GIPR: variants seen among roughly 807,000 people sequenced by gnomAD.
The protein encoded by GIPR is GIP-R.
In GIPR, 74 loss-of-function variants were observed where a neutral mutation model predicts 62.2. The observed-to-expected ratio is 1.19, with a 90% CI of 0.99 to 1.44. The LOEUF is 1.44. Among genes scored for constraint, GIPR ranks in the 40% most tolerant of loss-of-function variants. The probability of loss-of-function intolerance (pLI) is 0.00; values close to 1 mark genes in which losing one functional copy is unlikely to be tolerated. For missense variants in GIPR, 664 were observed against 611.8 expected (o/e 1.09, Z -0.90); for synonymous variants, 256 against 262.2 (o/e 0.98, Z 0.23).
intron 3 of GIPR, 138 bp downstream of exon 3, chr19:45,670,872 T>C (rs756416364): frequency 5.5e-5 from 34 of 616,022 alleles, no homozygotes; most frequent in Non-Finnish European, 9.2e-5. Flanking sequence ...GACCTGAGCA[T>C]GGTGGGAACT....
chr19:45,679,270 A>C (rs967547481), intron 12 of GIPR, among the ~76,000 whole-genome samples: 2 of 152,244 alleles, frequency 1.3e-5, no homozygotes, highest in East Asian at 1.9e-4. Context: ...ACCTGAGGTC[A>C]AGAGTTCAAG....
At chr19:45,669,366 G>A in intron 1 of GIPR, 111 bp from the exon 2 acceptor site, 1 of 1,064,356 alleles carries the variant, frequency 9.4e-7, no homozygotes, top group Non-Finnish European at 1.4e-6. Flanking sequence ...GGAGTCCCGC[G>A]TGTATACGGC....
rs955920381 is a variant in GIPR at position 45,682,298 on chromosome 19, G to A, written c.*363G>A. On this transcript the variant is annotated 3_prime_UTR_variant, in exon 14 of 14. Transcript: ENST00000590918. ...ATAGGCAAAGGCCCTTGGGCAGGAA[G>A]GCGCTCAGCCTTGGCTGGAGTAGAA... 1.9e-5 allele frequency: 5 copies of A among 260,338 alleles called. No individual in the cohort carries two copies. In the South Asian group the frequency reaches 2.5e-4, roughly 13 times the overall value. 16.1% of individuals were successfully genotyped at this position (260,338 alleles called of 1,614,324 possible). A position where few individuals can be genotyped will look rare whatever the true frequency, so the allele number is the denominator to read the frequency against.
chr19:45,676,033 G>A (rs912840318), intron 7 of GIPR, among the ~76,000 whole-genome samples: 2 of 151,846 alleles, frequency 1.3e-5, no homozygotes, highest in African/African-American at 4.8e-5. Flanking sequence ...GTGAAACCCC[G>A]TCTCTACTAA....
At chr19:45,671,077 G>T (rs1600287151) in intron 3 of GIPR, among the ~76,000 whole-genome samples, 1 of 152,100 alleles carries the variant, frequency 6.6e-6, no homozygotes, top group East Asian at 1.9e-4. Flanking sequence ...GCCGGGAGGA[G>T]GGGCGGAGCT....
intron 12 of GIPR, among the ~76,000 whole-genome samples, chr19:45,679,810 C>A (rs1322977502): frequency 6.6e-6 from 1 of 151,798 alleles, no homozygotes; most frequent in East Asian, 1.9e-4. Context: ...ACTCTTGTTG[C>A]CCAGGCTGCA....
intron 12 of GIPR, among the ~76,000 whole-genome samples, chr19:45,679,512 A>G (rs1376335939): frequency 6.6e-6 from 1 of 151,394 alleles, no homozygotes; most frequent in African/African-American, 2.4e-5. Flanking sequence ...GAAAGCATAT[A>G]GAATGTCAGA....
intron 7 of GIPR, 169 bp downstream of exon 7, chr19:45,674,995 G>C: frequency 3.2e-6 from 2 of 620,636 alleles, no homozygotes; most frequent in Non-Finnish European, 5.9e-6. Flanking sequence ...TTTGGAGAGG[G>C]AACCTCCCAA....
chr19:45,669,732 G>A lies in GIPR; in HGVS notation c.72+140G>A, dbSNP rs541179897. On this transcript the variant is annotated intron_variant, in intron 2 of 13. Coordinates refer to ENST00000590918, the MANE Select transcript of GIPR (RefSeq NM_000164.4). ...AGGCCGAAGCGGGTGGATCACTTGAGGCCAGGAGTTCGAGACCAGCCTGGC... is the reference window on the plus strand; with the variant it reads ...AGGCCGAAGCGGGTGGATCACTTGAAGCCAGGAGTTCGAGACCAGCCTGGC... The A allele has an allele frequency of 3.3e-5, 39 of 1,173,276 alleles. No homozygotes were observed. The African/African-American group carries it at 5.1e-4, about 15-fold the overall frequency. The allele number at this position is 1,173,276 out of a possible 1,614,324, so 72.7% of individuals were successfully genotyped here.
At chr19:45,670,878 G>A (rs1419071693) in intron 3 of GIPR, 144 bp downstream of exon 3, 2 of 618,074 alleles carry the variant, frequency 3.2e-6, no homozygotes, top group African/African-American at 3.7e-5. Flanking sequence ...AGCATGGTGG[G>A]AACTGGGGCG....
At chr19:45,671,853 C>T (rs1003193640) in intron 4 of GIPR, among the ~76,000 whole-genome samples, 2 of 151,664 alleles carry the variant, frequency 1.3e-5, no homozygotes. Flanking sequence ...AACTCCTAAC[C>T]TCAAGTGATC....
At chr19:45,680,168 C>G (rs1394589296) in intron 12 of GIPR, among the ~76,000 whole-genome samples, 1 of 152,066 alleles carries the variant, frequency 6.6e-6, no homozygotes, top group East Asian at 1.9e-4. Flanking sequence ...GCCAGTCCAG[C>G]GTGACCAACA....
intron 2 of GIPR, among the ~76,000 whole-genome samples, chr19:45,669,951 G>C (rs1975449193): frequency 6.8e-6 from 1 of 147,290 alleles, no homozygotes; most frequent in Non-Finnish European, 1.5e-5. Flanking sequence ...TCTGTCTCGG[G>C]GTGGGGGGGG....
intron 6 of GIPR, 27 bp downstream of exon 6, chr19:45,674,204 G>A (rs750527211): frequency 6.3e-6 from 9 of 1,435,624 alleles, no homozygotes; most frequent in African/African-American, 4.2e-5. Flanking sequence ...GAGTGGTGGC[G>A]GCAGAGATGT....
At chr19:45,670,010 A>T (rs1261337529) in intron 2 of GIPR, among the ~76,000 whole-genome samples, 1 of 150,790 alleles carries the variant, frequency 6.6e-6, no homozygotes, top group Non-Finnish European at 1.5e-5. Context: ...CCGCTTGCCC[A>T]GATTCAAGTT....
chr19:45,680,683 TA>T (rs1435712852), intron 12 of GIPR, among the ~76,000 whole-genome samples: 8 of 151,418 alleles, frequency 5.3e-5, no homozygotes, highest in African/African-American at 1.9e-4. Context: ...CACAAAAAAT[TA>T]GCTAGGCGTG....
rs1434293020 is a variant in GIPR at position 45,681,813 on chromosome 19, G to A, written c.1279G>A (p.Ala427Thr). Reference protein sequence around the residue: ...GEEQRQLPERAFRALPSGSGP... With the variant: ...GEEQRQLPERTFRALPSGSGP... ...GGAGCAACGCCAGCTCCCGGAGCGC[G>A]CCTTCCGGGCCCTGCCCTCCGGCTC... The change falls in exon 14 of 14, where the codon GCC becomes ACC. Residue 427 changes from alanine to threonine, a missense_variant. Physicochemically the swap from Ala to Thr is moderately conservative, Grantham distance 58. Transcript: ENST00000590918. 2 of 1,564,870 alleles carry A rather than the reference G, an allele frequency of 1.3e-6. No individual in the cohort carries two copies. The highest frequency in any genetic ancestry group is 2.3e-5 in the South Asian group (2 of 85,792).
Position 45,677,039 on chromosome 19 carries a change from C to T in GIPR, c.724C>T (p.His242Tyr). Reference protein sequence around the residue: ...TWLLVEGVYLHSLLVLVGGSE... With the variant: ...TWLLVEGVYLYSLLVLVGGSE... ...GCTGCTGGTGGAGGGCGTCTACCTGCACAGTCTCCTGGTGCTCGTGGGAGG... is the reference window on the plus strand; with the variant it reads ...GCTGCTGGTGGAGGGCGTCTACCTGTACAGTCTCCTGGTGCTCGTGGGAGG... Residue 242 changes from histidine to tyrosine, a missense_variant, in exon 8 of 14, where the codon CAC becomes TAC. Transcript: ENST00000590918. The T allele has an allele frequency of 6.2e-7, 1 of 1,614,008 alleles. No homozygotes were observed. The highest frequency in any genetic ancestry group is 8.5e-7 in the Non-Finnish European group (1 of 1,179,914).
Position 45,678,456 on chromosome 19 carries a change from C to G in GIPR, c.1152+230C>G, listed in dbSNP as rs939015194. On this transcript the variant is annotated intron_variant, in intron 12 of 13. Coordinates refer to ENST00000590918, the MANE Select transcript of GIPR (RefSeq NM_000164.4). ...TCGGTTCATTGCAGCCTCTGACTCC[C>G]GGGTTCAAGCGATTCTCCTGCCTCA... is the stretch of plus-strand genomic sequence containing the variant. 3.6e-5 allele frequency: 21 copies of G among 582,058 alleles called. No homozygotes were observed. The East Asian group carries it at 6.0e-4, about 17-fold the overall frequency. 36.1% of individuals were successfully genotyped at this position (582,058 alleles called of 1,614,324 possible).
Sources: gnomAD v4.1 joint callset for allele counts (sites outside exome capture counted in the v4.1 genomes callset) on GRCh38, gnomAD v4.1.1 for gene constraint, MANE v1.5 for transcripts, NCBI Gene and HGNC (gene_info 2026-07-23, HGNC 2026-07-21) for gene names.